The following TENM2 variants were observed in gnomAD, a reference collection of about 807,000 sequenced individuals.
TENM2 encodes the protein teneurin transmembrane protein 2.
A neutral mutation model predicts 245.2 loss-of-function variants in TENM2; 52 were observed. The ratio of observed to expected loss-of-function variants is 0.21; its 90% CI spans 0.17 to 0.27. The LOEUF (loss-of-function observed/expected upper bound fraction) is 0.27, where lower values mean the gene tolerates loss of function less well. Ranked by LOEUF, TENM2 falls within the 10% of genes least tolerant of loss-of-function variation. The pLI is 1.00. For missense variants in TENM2, 3,046 were observed against 3,666.8 expected (o/e 0.83, Z 4.37); for synonymous variants, 1,363 against 1,438.9 (o/e 0.95, Z 1.19).
chr5:167,013,300 A>T, the TENM2 span, among the ~76,000 whole-genome samples: 1 of 152,178 alleles, frequency 6.6e-6, no homozygotes, highest in African/African-American at 2.4e-5. Context: ...ACTAATAATC[A>T]AAACGGGCCA....
intron 2 of TENM2, among the ~76,000 whole-genome samples, chr5:167,775,243 C>T (rs1315624135): frequency 5.3e-5 from 8 of 152,322 alleles, no homozygotes; most frequent in Admixed American, 5.2e-4. Flanking sequence ...GCTGGGATTA[C>T]AGGCATGAGC....
rs1033239115 is a variant in TENM2, at chr5:167,933,640, T to A, written c.713-18948T>A. 1.2e-4 allele frequency among the ~76,000 whole-genome samples: 19 copies of A among 152,164 alleles called. 1 individual carries two copies. In the Middle Eastern group the frequency reaches 0.01, roughly 82 times the overall value. On this transcript the variant is annotated intron_variant, in intron 3 of 28. Transcript: ENST00000518659. ...GGTTTGTCTGGGAAGTTCACGCATT[T>A]CGACTAATTCATTTATGAATAAATT...
intron 2 of TENM2, among the ~76,000 whole-genome samples, chr5:167,501,356 T>C (rs1769199290): frequency 6.6e-6 from 1 of 152,110 alleles, no homozygotes; most frequent in Non-Finnish European, 1.5e-5. Flanking sequence ...ACAGGAAGCA[T>C]GTCCTTCACC....
the TENM2 span, among the ~76,000 whole-genome samples, chr5:167,208,962 G>T: frequency 2.6e-5 from 4 of 152,330 alleles, no homozygotes; most frequent in East Asian, 7.7e-4. Context: ...GGAGGAAAGA[G>T]TGGGAATATA....
intron 27 of TENM2, among the ~76,000 whole-genome samples, chr5:168,256,056 G>A (rs185742741): frequency 1.2e-4 from 18 of 151,550 alleles, no homozygotes; most frequent in African/African-American, 3.4e-4. Context: ...TGCCCGCCTC[G>A]GCCTCCCAAA....
At chr5:168,037,337 A>C (rs1787795453) in intron 5 of TENM2, among the ~76,000 whole-genome samples, 1 of 152,170 alleles carries the variant, frequency 6.6e-6, no homozygotes. Context: ...TTACTTCTTC[A>C]ACTCATTTCT....
intron 13 of TENM2, among the ~76,000 whole-genome samples, chr5:168,182,168 A>G (rs2152492959): frequency 6.6e-6 from 1 of 152,332 alleles, no homozygotes; most frequent in Admixed American, 6.5e-5. Context: ...GCAATGAAGA[A>G]CTAATCTCAT....
intron 2 of TENM2, among the ~76,000 whole-genome samples, chr5:167,742,201 C>T (rs978056742): frequency 4.6e-5 from 7 of 151,924 alleles, no homozygotes; most frequent in Admixed American, 2.6e-4. Context: ...TCCCACATTC[C>T]CCCAATAATT....
At chr5:167,187,018 A>G in the TENM2 span, among the ~76,000 whole-genome samples, 2 of 152,178 alleles carry the variant, frequency 1.3e-5, no homozygotes, top group South Asian at 2.1e-4. Context: ...TCCACCCGCC[A>G]TGTCTTCAGA....
the TENM2 span, among the ~76,000 whole-genome samples, chr5:167,265,353 A>AG: frequency 6.6e-6 from 1 of 150,672 alleles, no homozygotes; most frequent in Non-Finnish European, 1.5e-5. Context: ...AAAAAAAAAA[A>AG]AAAAGAAAGG....
intron 1 of TENM2, among the ~76,000 whole-genome samples, chr5:167,346,502 T>C (rs1387269259): frequency 1.3e-5 from 2 of 152,228 alleles, no homozygotes; most frequent in Non-Finnish European, 2.9e-5. Context: ...TAAAATTTGC[T>C]CTCATGCCAC....
intron 2 of TENM2, among the ~76,000 whole-genome samples, chr5:167,814,762 T>C (rs1239671981): frequency 6.6e-6 from 1 of 152,060 alleles, no homozygotes; most frequent in Non-Finnish European, 1.5e-5. Flanking sequence ...ATGGATATTA[T>C]TAACTAAGAT....
intron 2 of TENM2, among the ~76,000 whole-genome samples, chr5:167,570,488 T>C (rs1466911345): frequency 6.6e-6 from 1 of 152,174 alleles, no homozygotes; most frequent in Admixed American, 6.6e-5. Context: ...GAAAAGTATT[T>C]GTTTGCCAAA....
intron 2 of TENM2, among the ~76,000 whole-genome samples, chr5:167,579,808 T>C (rs1774963850): frequency 6.6e-6 from 1 of 152,168 alleles, no homozygotes; most frequent in Non-Finnish European, 1.5e-5. Flanking sequence ...TAGCATTAGA[T>C]TGTGGTGAGT....
At chr5:168,252,819 T>C (rs62385563) in intron 27 of TENM2, among the ~76,000 whole-genome samples, 76,073 of 149,876 alleles carry the variant, frequency 0.51, 20,928 homozygotes, top group South Asian at 0.61. Context: ...TGCACTCCAG[T>C]CTGAGAAACA....
exon 1 of TENM2, chr5:167,284,959 G>T: frequency 6.4e-7 from 1 of 1,551,850 alleles, no homozygotes; most frequent in Non-Finnish European, 8.7e-7. Context: ...AAATCCTACA[G>T]CTCCAGTGAG....
At chr5:168,047,519 G>A (rs1354838872) in exon 6 of TENM2, 1 of 1,551,644 alleles carries the variant, frequency 6.4e-7, no homozygotes, top group African/African-American at 1.4e-5. Flanking sequence ...AGGAAACGAT[G>A]ATGTGGCAAC....
At chr5:167,034,813 C>T in the TENM2 span, among the ~76,000 whole-genome samples, 287 of 152,068 alleles carry the variant, frequency 1.9e-3, 1 homozygote, top group African/African-American at 6.5e-3. Flanking sequence ...GATTTGAAGC[C>T]CTAGTCCCAG....
At chr5:167,449,445 C>T (rs1765428700) in intron 2 of TENM2, among the ~76,000 whole-genome samples, 1 of 151,894 alleles carries the variant, frequency 6.6e-6, no homozygotes, top group Admixed American at 6.6e-5. Flanking sequence ...GTGAAGGTTA[C>T]CTTCTGGACT....
Sources: allele counts gnomAD v4.1 joint callset (sites outside exome capture counted in the v4.1 genomes callset), GRCh38; gene constraint gnomAD v4.1.1; transcripts MANE v1.5; gene names NCBI Gene and HGNC (gene_info 2026-07-23, HGNC 2026-07-21).